SPG11: variants seen among roughly 807,000 people sequenced by gnomAD.
SPG11 encodes spatacsin.
A neutral mutation model predicts 274.0 loss-of-function variants in SPG11; 222 were observed. The ratio of observed to expected loss-of-function variants is 0.81; its 90% CI spans 0.73 to 0.91. The LOEUF (loss-of-function observed/expected upper bound fraction) is 0.91, where lower values mean the gene tolerates loss of function less well. SPG11 is among the 40% of genes least tolerant of loss of function. The pLI is 0.00. For missense variants in SPG11, 3,114 were observed against 2,872.7 expected (o/e 1.08, Z -1.92); for synonymous variants, 1,144 against 1,039.7 (o/e 1.10, Z -1.93).
chr15:44,618,687 G>C (rs1443152443), intron 15 of SPG11, among the ~76,000 whole-genome samples: 1 of 151,936 alleles, frequency 6.6e-6, no homozygotes, highest in Non-Finnish European at 1.5e-5. Flanking sequence ...GGGCGTGGTG[G>C]TGGGTGCCTG....
chr15:44,623,701 T>C (rs560185714), intron 11 of SPG11, among the ~76,000 whole-genome samples: 9 of 152,268 alleles, frequency 5.9e-5, no homozygotes, highest in Non-Finnish European at 8.8e-5. Context: ...AAGTCTTCTA[T>C]GAGAAACACT....
intron 31 of SPG11, among the ~76,000 whole-genome samples, chr15:44,573,995 T>C (rs1389303553): frequency 6.6e-6 from 1 of 152,084 alleles, no homozygotes; most frequent in South Asian, 2.1e-4. Flanking sequence ...TGGACACTTA[T>C]TTTTTTGGCG....
At chr15:44,618,859 T>C (rs1337951052) in intron 15 of SPG11, among the ~76,000 whole-genome samples, 1 of 152,124 alleles carries the variant, frequency 6.6e-6, no homozygotes, top group Non-Finnish European at 1.5e-5. Flanking sequence ...GCATCTATGC[T>C]TAGTTTGCCA....
At position 44,572,763 on chromosome 15, in the gene SPG11, G is replaced by A. The variant is rs1283621415; in HGVS notation, c.6263C>T (p.Thr2088Ile). ...TACCAATGTGCGGTCTTGACACAGA[G>A]TGGTCAGCTGAAGAAATGTCTGGCT... The part of the protein sequence containing the change: ...EESQTFLQLT[T>I]LCQDRTLVGM... The change falls in exon 33 of 40, where the codon ACT becomes ATT. Residue 2088 changes from threonine to isoleucine, a missense_variant. Transcript: ENST00000261866. 6.2e-7 allele frequency: 1 copy of A among 1,614,054 alleles called. No individual in the cohort carries two copies. Among genetic ancestry groups the A allele is most frequent in the African/African-American group, 1.3e-5 (1 of 75,030 alleles).
chr15:44,652,065 G>C (rs1343259068), intron 5 of SPG11, 64 bp downstream of exon 5: 3 of 1,593,194 alleles, frequency 1.9e-6, no homozygotes, highest in South Asian at 2.3e-5. Context: ...TTTAATGAAA[G>C]GGTACAGCGT....
intron 6 of SPG11, among the ~76,000 whole-genome samples, chr15:44,651,120 T>C (rs1442156966): frequency 6.6e-6 from 1 of 152,202 alleles, no homozygotes; most frequent in Non-Finnish European, 1.5e-5. Flanking sequence ...ATGTTTATAA[T>C]CTTTTTTAAA....
intron 27 of SPG11, among the ~76,000 whole-genome samples, 190 bp from the exon 28 acceptor site, chr15:44,589,604 C>A (rs1435256764): frequency 6.6e-6 from 1 of 152,210 alleles, no homozygotes; most frequent in Non-Finnish European, 1.5e-5. Flanking sequence ...CAAAAACAAG[C>A]CCTCCTCAGC....
At chr15:44,657,761 T>C (rs953459474) in intron 3 of SPG11, among the ~76,000 whole-genome samples, 23 of 152,260 alleles carry the variant, frequency 1.5e-4, no homozygotes, top group Non-Finnish European at 2.1e-4. Flanking sequence ...TGATCTGTAT[T>C]GAGACTTCAT....
intron 39 of SPG11, among the ~76,000 whole-genome samples, chr15:44,564,330 C>G (rs2082265835): frequency 6.6e-6 from 1 of 152,168 alleles, no homozygotes; most frequent in South Asian, 2.1e-4. Flanking sequence ...GCTATCCTCC[C>G]ATTTTAAAGT....
intron 30 of SPG11, among the ~76,000 whole-genome samples, chr15:44,577,719 A>C (rs2082570161): frequency 1.3e-5 from 2 of 152,116 alleles, no homozygotes; most frequent in African/African-American, 4.8e-5. Context: ...GGACTCTGGA[A>C]AAGTAAAAAG....
chr15:44,634,097 C>A (rs904880343), intron 7 of SPG11, among the ~76,000 whole-genome samples: 13 of 152,098 alleles, frequency 8.5e-5, no homozygotes, highest in Non-Finnish European at 8.8e-5. Context: ...CCTTGGCCTC[C>A]CAAAGTGCTG....
chr15:44,614,235 G>GT (rs544458517), intron 16 of SPG11, among the ~76,000 whole-genome samples: 5 of 151,710 alleles, frequency 3.3e-5, no homozygotes, highest in African/African-American at 1.2e-4. Flanking sequence ...CTCCTAGTCT[G>GT]TTTTTTTTGA....
chr15:44,584,491 A>C lies in SPG11; in HGVS notation c.5189T>G (p.Phe1730Cys), dbSNP rs755382678. The C allele has an allele frequency of 4.3e-6, 7 of 1,614,142 alleles. No individual in the cohort carries two copies. Among genetic ancestry groups the C allele is most frequent in the Non-Finnish European group, 5.9e-6 (7 of 1,180,044 alleles). The change falls in exon 30 of 40, where the codon TTC (phenylalanine) becomes TGC (cysteine). Residue 1730 changes from phenylalanine (F) to cysteine (C), a missense_variant. Physicochemically the swap from Phe to Cys is radical, Grantham distance 205. Coordinates refer to ENST00000261866, the MANE Select transcript of SPG11 (RefSeq NM_025137.4). ...AAAATTCTCATGGCATTTTTTCCAGAAGTCAATTCTTGCTTGTTTTAGTGA... is the reference window on the plus strand; with the variant it reads ...AAAATTCTCATGGCATTTTTTCCAGCAGTCAATTCTTGCTTGTTTTAGTGA... ...QWSLKQARID[F>C]WKKCHENFKK...
Position 44,572,795 on chromosome 15 carries a change from T to C in SPG11, c.6231A>G (p.Thr2077=), listed in dbSNP as rs2082450015. Residue 2077 remains threonine (T), a synonymous_variant, in exon 33 of 40, where the codon ACA becomes ACG. Coordinates refer to ENST00000261866, the MANE Select transcript of SPG11 (RefSeq NM_025137.4). ...GTGHKQMFNP[T]EESQTFLQLT... ...GCTGAAGAAATGTCTGGCTTTCCTCTGTTGGGTTGAACATCTGCTTATGTC... is the reference window on the plus strand; with the variant it reads ...GCTGAAGAAATGTCTGGCTTTCCTCCGTTGGGTTGAACATCTGCTTATGTC... 6.2e-7 allele frequency: 1 copy of C among 1,613,976 alleles called. No individual in the cohort carries two copies. The highest frequency in any genetic ancestry group is 8.5e-7 in the Non-Finnish European group (1 of 1,180,014).
chr15:44,572,549 G>T (rs2082444549), intron 33 of SPG11, 134 bp downstream of exon 33: 3 of 865,840 alleles, frequency 3.5e-6, no homozygotes, highest in Middle Eastern at 2.4e-4. Flanking sequence ...TTTCTACCAA[G>T]AACTTATAAC....
At chr15:44,563,507 T>A (rs1442984766) in intron 39 of SPG11, among the ~76,000 whole-genome samples, 2 of 152,026 alleles carry the variant, frequency 1.3e-5, no homozygotes, top group African/African-American at 4.8e-5. Flanking sequence ...CTGGCTAATT[T>A]TTCTAATTTT....
rs781515826 is a variant in SPG11, at chr15:44,660,446, T to A, written c.428A>T (p.Asp143Val). 2 of 1,613,866 alleles carry A rather than the reference T, an allele frequency of 1.2e-6. No individual in the cohort carries two copies. Among genetic ancestry groups the A allele is most frequent in the East Asian group, 4.5e-5 (2 of 44,878 alleles). The change falls in exon 2 of 40, where the codon GAC (aspartate) becomes GTC (valine). Residue 143 changes from aspartate (D) to valine (V), a missense_variant. Transcript: ENST00000261866. ...TAGATACTTACTGATATCTTGATCG[T>A]CAATGAGCTTTTGCAATGCCTCCCT... ...CSREALQKLI[D>V]DQDISISLLS...
At chr15:44,638,511 C>CA (rs1187486772) in intron 7 of SPG11, among the ~76,000 whole-genome samples, 1 of 136,526 alleles carries the variant, frequency 7.3e-6, no homozygotes, top group African/African-American at 2.6e-5. Flanking sequence ...CCCCCCCCCC[C>CA]AACACACACA....
chr15:44,596,835 A>G lies in SPG11; in HGVS notation c.4110T>C (p.Asp1370=), dbSNP rs1567149413. 1 of 1,614,106 alleles carries G rather than the reference A, an allele frequency of 6.2e-7. No homozygotes were observed. Among genetic ancestry groups the G allele is most frequent in the Admixed American group, 1.7e-5 (1 of 60,014 alleles). Residue 1370 remains aspartate, a synonymous_variant, in exon 24 of 40, where the codon GAT becomes GAC. Transcript: ENST00000261866. The part of the protein sequence containing the change: ...SYLRECAKAN[D]WLQFIIHSQL... ...GGCTGTGAATAATGAACTGCAGCCAATCATTTGCTTTGGCACATTCTCTAA... is the reference window on the plus strand; with the variant it reads ...GGCTGTGAATAATGAACTGCAGCCAGTCATTTGCTTTGGCACATTCTCTAA...
Sources: allele counts gnomAD v4.1 joint callset (sites outside exome capture counted in the v4.1 genomes callset), GRCh38; gene constraint gnomAD v4.1.1; transcripts MANE v1.5; gene names NCBI Gene and HGNC (gene_info 2026-07-23, HGNC 2026-07-21).